The following PALM2AKAP2 variants were observed in gnomAD, a reference collection of about 807,000 sequenced individuals.
PALM2AKAP2 encodes the protein PALM2 and AKAP2 fusion, also known as PALM2-AKAP2 fusion protein.
Under a neutral mutation model 71.5 loss-of-function variants are expected in PALM2AKAP2, and 37 were observed. The observed-to-expected ratio is 0.52, with a 90% CI of 0.40 to 0.68. The LOEUF (loss-of-function observed/expected upper bound fraction) is 0.68, where lower values mean the gene tolerates loss of function less well. Ranked by LOEUF, PALM2AKAP2 falls within the 30% of genes least tolerant of loss-of-function variation. The pLI, the probability that PALM2AKAP2 is intolerant of heterozygous loss-of-function variation, is 0.00. For synonymous variants in PALM2AKAP2, 468 were observed against 478.8 expected (o/e 0.98, Z 0.29); for missense variants, 1,224 against 1,191.8 (o/e 1.03, Z -0.40).
intron 1 of PALM2AKAP2, among the ~76,000 whole-genome samples, chr9:109,772,388 G>C (rs981451139): frequency 8.5e-5 from 13 of 152,090 alleles, no homozygotes; most frequent in African/African-American, 2.7e-4. Context: ...TTCTCTAGTG[G>C]GATAAATTTA....
intron 3 of PALM2AKAP2, among the ~76,000 whole-genome samples, chr9:109,883,189 A>C (rs1022498158): frequency 2.0e-5 from 3 of 152,170 alleles, no homozygotes; most frequent in African/African-American, 7.2e-5. Context: ...GGTGGTCATG[A>C]TTATACTCAA....
chr9:109,780,371 C>A (rs1206648061), upstream of PALM2AKAP2: 5 of 1,595,510 alleles, frequency 3.1e-6, no homozygotes, highest in Non-Finnish European at 3.4e-6. Context: ...CCCCAGCCGT[C>A]CCTGGGCGTT....
At chr9:109,753,296 A>G (rs945447288) in intron 1 of PALM2AKAP2, among the ~76,000 whole-genome samples, 10 of 152,164 alleles carry the variant, frequency 6.6e-5, no homozygotes, top group African/African-American at 2.2e-4. Context: ...GCTTTAGGGA[A>G]TCAGAGTGGC....
At chr9:109,892,568 T>A (rs1830111958) in intron 3 of PALM2AKAP2, among the ~76,000 whole-genome samples, 1 of 152,124 alleles carries the variant, frequency 6.6e-6, no homozygotes, top group Non-Finnish European at 1.5e-5. Context: ...AGTTTTCAAT[T>A]TAATTTATAT....
At chr9:109,642,047 G>T (rs1827077582) in intron 1 of PALM2AKAP2, among the ~76,000 whole-genome samples, 1 of 152,068 alleles carries the variant, frequency 6.6e-6, no homozygotes, top group Admixed American at 6.5e-5. Flanking sequence ...CCCTATCTCT[G>T]CAATGGAAAC....
In PALM2AKAP2 at chr9:109,867,164, CTGTGTGTGTG is replaced by C. The variant is rs56194780; in HGVS notation, c.46-295_46-286del. On this transcript the variant is annotated intron_variant, in intron 1 of 9. Coordinates refer to the PALM2AKAP2 transcript ENST00000302798. ...TTAACACTGCACAGAACATGGTTCT[CTGTGTGTGTG>C]TGTGTGTGTGTGTGTGTGTGTGTGT... is the stretch of plus-strand genomic sequence containing the variant. 5.7e-3 allele frequency: 2,283 copies of C among 398,850 alleles called. 2 individuals are homozygous for C. The highest frequency in any genetic ancestry group is 0.011 in the Middle Eastern group (17 of 1,576). 24.7% of individuals were successfully genotyped at this position (398,850 alleles called of 1,614,324 possible). A position where few individuals can be genotyped will look rare whatever the true frequency, so the allele number is the denominator to read the frequency against.
chr9:110,049,179 C>A (rs76557638), intron 1 of PALM2AKAP2, among the ~76,000 whole-genome samples: 8,401 of 152,244 alleles, frequency 0.055, 325 homozygotes, highest in Non-Finnish European at 0.085. Flanking sequence ...ACACACAGAG[C>A]TGGGCTGTGT....
At chr9:110,069,666 G>A (rs565354438) in intron 1 of PALM2AKAP2, among the ~76,000 whole-genome samples, 1 of 152,264 alleles carries the variant, frequency 6.6e-6, no homozygotes, top group African/African-American at 2.4e-5. Flanking sequence ...AAAACCCTGG[G>A]ATGAGGACTA....
intron 7 of PALM2AKAP2, among the ~76,000 whole-genome samples, chr9:110,023,532 T>C (rs1685069778): frequency 6.6e-6 from 1 of 151,926 alleles, no homozygotes. Flanking sequence ...CAGGCTTGTC[T>C]TGAACTCACC....
intron 1 of PALM2AKAP2, among the ~76,000 whole-genome samples, chr9:109,806,441 G>A (rs942013094): frequency 1.3e-5 from 2 of 152,196 alleles, no homozygotes; most frequent in African/African-American, 4.8e-5. Context: ...GACAGTCTCT[G>A]CCCTCACGGA....
intron 1 of PALM2AKAP2, among the ~76,000 whole-genome samples, chr9:109,654,791 C>T (rs895261299): frequency 4.0e-5 from 5 of 125,556 alleles, no homozygotes; most frequent in African/African-American, 1.6e-4. Context: ...ATGTATTAAA[C>T]TTCATGCTTT....
chr9:109,767,194 C>A (rs919230127), intron 1 of PALM2AKAP2, among the ~76,000 whole-genome samples: 2 of 152,178 alleles, frequency 1.3e-5, no homozygotes, highest in African/African-American at 4.8e-5. Flanking sequence ...TCCCCTTGCT[C>A]ATGTGTTCTG....
At chr9:110,132,948 G>T (rs537191026) in intron 1 of PALM2AKAP2, among the ~76,000 whole-genome samples, 2 of 152,272 alleles carry the variant, frequency 1.3e-5, no homozygotes, top group South Asian at 4.1e-4. Flanking sequence ...CAGTTTGACC[G>T]ATCACAGAAG....
At chr9:109,644,160 G>A (rs188624479) in intron 1 of PALM2AKAP2, among the ~76,000 whole-genome samples, 33 of 152,250 alleles carry the variant, frequency 2.2e-4, no homozygotes, top group Non-Finnish European at 3.4e-4. Flanking sequence ...CATGATACCT[G>A]GAGGGGGACA....
At chr9:109,684,819 A>G (rs1587866782) in intron 1 of PALM2AKAP2, among the ~76,000 whole-genome samples, 1 of 152,350 alleles carries the variant, frequency 6.6e-6, no homozygotes, top group East Asian at 1.9e-4. Flanking sequence ...GAGAAGTGAA[A>G]ACATATAAGC....
intron 3 of PALM2AKAP2, among the ~76,000 whole-genome samples, chr9:109,891,278 CCTTGG>C (rs1367280059): frequency 6.6e-6 from 1 of 152,164 alleles, no homozygotes; most frequent in Admixed American, 6.5e-5. Flanking sequence ...CCCTTTGTTC[CCTTGG>C]CTAGCATCTT....
chr9:109,810,233 T>C (rs1827692678), intron 1 of PALM2AKAP2, among the ~76,000 whole-genome samples: 1 of 152,102 alleles, frequency 6.6e-6, no homozygotes, highest in Non-Finnish European at 1.5e-5. Context: ...GTTTAGATGG[T>C]ACTTCAAGCT....
intron 6 of PALM2AKAP2, among the ~76,000 whole-genome samples, chr9:109,981,990 C>T (rs147922160): frequency 7.2e-4 from 110 of 152,272 alleles, no homozygotes; most frequent in African/African-American, 2.6e-3. Flanking sequence ...GAAGAGATGC[C>T]TGCACTCCCA....
intron 6 of PALM2AKAP2, among the ~76,000 whole-genome samples, chr9:109,965,797 A>G (rs1311390101): frequency 6.6e-5 from 10 of 152,056 alleles, no homozygotes; most frequent in Non-Finnish European, 1.3e-4. Context: ...ACTCAGGGGG[A>G]AAAAAAAGAG....
Sources: allele counts gnomAD v4.1 joint callset (sites outside exome capture counted in the v4.1 genomes callset), GRCh38; gene constraint gnomAD v4.1.1; transcripts MANE v1.5; gene names NCBI Gene and HGNC (gene_info 2026-07-23, HGNC 2026-07-21).